RCC2: variants seen among roughly 807,000 people sequenced by gnomAD.
RCC2 encodes the protein regulator of chromosome condensation 2.
RCC2 carries 19 observed loss-of-function variants against 64.1 expected under a neutral mutation model. The ratio of observed to expected loss-of-function variants is 0.30; its 90% CI spans 0.21 to 0.44. The LOEUF (loss-of-function observed/expected upper bound fraction) is 0.44. Among genes scored for constraint, RCC2 ranks in the 20% least tolerant of loss-of-function variants. The pLI, the probability that RCC2 is intolerant of heterozygous loss-of-function variation, is 1.00. For missense variants in RCC2, 508 were observed against 710.4 expected (o/e 0.72, Z 3.24); for synonymous variants, 325 against 279.6 (o/e 1.16, Z -1.62).
In RCC2 at chr1:17,436,751, T is replaced by C. The variant is rs191131105; in HGVS notation, c.285+1479A>G. ...GGATGTCTAAACACAATCTTGCTTTTGGAAACTCACTCAAAATAGGATACA... is the reference window on the plus strand; with the variant it reads ...GGATGTCTAAACACAATCTTGCTTTCGGAAACTCACTCAAAATAGGATACA... On this transcript the variant is annotated intron_variant, in intron 2 of 12. Transcript: ENST00000375436. 5.3e-5 allele frequency among the ~76,000 whole-genome samples: 8 copies of C among 152,342 alleles called. No individual in the cohort carries two copies. The East Asian group carries it at 1.3e-3, about 26-fold the overall frequency.
intron 4 of RCC2, 140 bp from the exon 5 acceptor site, chr1:17,422,976 T>C: frequency 9.1e-7 from 1 of 1,094,532 alleles, no homozygotes; most frequent in Non-Finnish European, 1.3e-6. Flanking sequence ...ACAGCCAAGA[T>C]CCAGAGCAAA....
chr1:17,438,891 A>G (rs1189938748), intron 1 of RCC2, among the ~76,000 whole-genome samples: 3 of 152,324 alleles, frequency 2.0e-5, no homozygotes, highest in Non-Finnish European at 2.9e-5. Flanking sequence ...TTCATTAAAG[A>G]AGGCTTCGGG....
At chr1:17,433,398 C>G (rs12059385) in intron 2 of RCC2, among the ~76,000 whole-genome samples, 3,936 of 152,260 alleles carry the variant, frequency 0.026, 180 homozygotes, top group African/African-American at 0.089. Context: ...GAGACTCCCG[C>G]GCTTGCGGGC....
intron 4 of RCC2, 86 bp downstream of exon 4, chr1:17,425,455 T>A: frequency 7.3e-7 from 1 of 1,371,154 alleles, no homozygotes; most frequent in African/African-American, 1.5e-5. Flanking sequence ...GACGCGAGTC[T>A]CTTTTCCAGG....
intron 12 of RCC2, among the ~76,000 whole-genome samples, chr1:17,409,631 ACT>A (rs2075404053): frequency 6.6e-6 from 1 of 151,996 alleles, no homozygotes; most frequent in Admixed American, 6.5e-5. Flanking sequence ...CGCAGCCTCT[ACT>A]CTGTGGACCT....
chr1:17,418,376 T>C (rs2075513524), intron 7 of RCC2, among the ~76,000 whole-genome samples: 1 of 152,150 alleles, frequency 6.6e-6, no homozygotes, highest in African/African-American at 2.4e-5. Flanking sequence ...CTGAGGGTCT[T>C]GGCCGGGCGC....
intron 11 of RCC2, 116 bp downstream of exon 11, chr1:17,412,006 G>T: frequency 1.1e-6 from 1 of 876,810 alleles, no homozygotes; most frequent in Non-Finnish European, 1.9e-6. Flanking sequence ...CAATAAGGGG[G>T]GAATCCCAAA....
In RCC2 at chr1:17,409,212, C is replaced by A; in HGVS notation, c.1465-18G>T. 1 of 1,551,138 alleles carries A rather than the reference C, an allele frequency of 6.4e-7. No individual in the cohort carries two copies. Among genetic ancestry groups the A allele is most frequent in the Non-Finnish European group, 8.9e-7 (1 of 1,122,528 alleles). ...ATGGCGACCTGGGGGGACAAATCAG[C>A]GTTGGGTGTGCCTGAGGCGCCTGGA... On this transcript the variant is annotated intron_variant, in intron 12 of 12. Transcript: ENST00000375436.
At chr1:17,419,445 T>C (rs138166368) in intron 7 of RCC2, among the ~76,000 whole-genome samples, 3 of 152,300 alleles carry the variant, frequency 2.0e-5, no homozygotes, top group East Asian at 1.9e-4. Context: ...GACACGGCCA[T>C]AGTCGGATTT....
At chr1:17,417,890 G>C (rs538581068) in intron 7 of RCC2, among the ~76,000 whole-genome samples, 17 of 150,838 alleles carry the variant, frequency 1.1e-4, no homozygotes, top group African/African-American at 3.9e-4. Context: ...GGGGGGAGGA[G>C]GAAACAAGGA....
chr1:17,415,596 G>C (rs2075473944), intron 8 of RCC2, among the ~76,000 whole-genome samples: 1 of 151,776 alleles, frequency 6.6e-6, no homozygotes, highest in South Asian at 2.1e-4. Context: ...TCTAATCCCA[G>C]CTACTCAGGA....
chr1:17,425,325 C>T (rs1354474315), intron 4 of RCC2, among the ~76,000 whole-genome samples: 2 of 152,032 alleles, frequency 1.3e-5, no homozygotes, highest in Non-Finnish European at 2.9e-5. Flanking sequence ...GAAGTAGGGG[C>T]TGCGTATGGG....
chr1:17,429,747 G>C (rs1028157293), intron 2 of RCC2, among the ~76,000 whole-genome samples: 7 of 152,174 alleles, frequency 4.6e-5, no homozygotes, highest in Admixed American at 4.6e-4. Flanking sequence ...GCAGAACACA[G>C]CTTTGGTGGG....
chr1:17,438,047 C>T (rs1287392610), intron 2 of RCC2, among the ~76,000 whole-genome samples, 183 bp downstream of exon 2: 2 of 146,742 alleles, frequency 1.4e-5, no homozygotes, highest in African/African-American at 2.5e-5. Flanking sequence ...CCGCGCGCCC[C>T]GTACCGAGCC....
chr1:17,429,899 C>T (rs2075657678), intron 2 of RCC2, among the ~76,000 whole-genome samples: 1 of 152,176 alleles, frequency 6.6e-6, no homozygotes, highest in Admixed American at 6.6e-5. Flanking sequence ...CAGCATACTT[C>T]AGTGTTCATC....
At chr1:17,429,220 A>T (rs769109971) in intron 2 of RCC2, 21 bp from the exon 3 acceptor site, 2 of 1,597,902 alleles carry the variant, frequency 1.3e-6, no homozygotes, top group Non-Finnish European at 1.7e-6. Flanking sequence ...AGAGAAAGGA[A>T]AAAAGAATTA....
Position 17,422,685 on chromosome 1 carries a change from A to G in RCC2, c.655+20T>C, listed in dbSNP as rs1295925228. ...GCCTCTTGCCAAACTGAGAGGAGAC[A>G]CCAGCAGCCACCTCCTTACCCGTCA... is the stretch of plus-strand genomic sequence containing the variant. On this transcript the variant is annotated intron_variant, in intron 5 of 12. Coordinates refer to ENST00000375436, the MANE Select transcript of RCC2 (RefSeq NM_018715.4). The G allele has an allele frequency of 6.2e-7, 1 of 1,612,364 alleles. No individual in the cohort carries two copies. Among genetic ancestry groups the G allele is most frequent in the Non-Finnish European group, 8.5e-7 (1 of 1,178,630 alleles).
intron 9 of RCC2, 58 bp from the exon 10 acceptor site, chr1:17,413,236 C>A: frequency 8.2e-7 from 1 of 1,225,408 alleles, no homozygotes; most frequent in Non-Finnish European, 1.2e-6. Context: ...TGAGTCTCAT[C>A]TTCAGTATTA....
intron 11 of RCC2, among the ~76,000 whole-genome samples, chr1:17,411,720 C>T (rs2075428855): frequency 6.6e-6 from 1 of 152,028 alleles, no homozygotes; most frequent in African/African-American, 2.4e-5. Context: ...ACAACAGAAA[C>T]ACAGGTTTAA....
Sources: allele counts gnomAD v4.1 joint callset (sites outside exome capture counted in the v4.1 genomes callset), GRCh38; gene constraint gnomAD v4.1.1; transcripts MANE v1.5; gene names NCBI Gene and HGNC (gene_info 2026-07-23, HGNC 2026-07-21).